The following DYDC2 variants were observed in gnomAD, a reference collection of about 807,000 sequenced individuals.
DYDC2 encodes the protein DPY30 domain containing 2.
DYDC2 carries 19 observed loss-of-function variants against 18.7 expected under a neutral mutation model. That is an observed-to-expected ratio of 1.02 (90% CI 0.71 to 1.49). The LOEUF (loss-of-function observed/expected upper bound fraction) is 1.49, where lower values mean the gene tolerates loss of function less well. DYDC2 is among the 40% of genes most tolerant of loss of function. The pLI is 0.00. For missense variants in DYDC2, 179 were observed against 205.1 expected, an observed-to-expected ratio of 0.87 and a Z score of 0.78; for synonymous variants, 63 against 67.6, an observed-to-expected ratio of 0.93 and a Z score of 0.34.
chr10:80,357,077 G>A (rs1171477140), intron 1 of DYDC2, among the ~76,000 whole-genome samples: 1 of 141,972 alleles, frequency 7.0e-6, no homozygotes, highest in African/African-American at 2.6e-5. Flanking sequence ...CGCGCCAGGG[G>A]AGGGGGCCAG....
intron 2 of DYDC2, among the ~76,000 whole-genome samples, chr10:80,360,201 AT>A (rs1014766807): frequency 6.6e-6 from 1 of 151,874 alleles, no homozygotes; most frequent in Non-Finnish European, 1.5e-5. Context: ...ACCCCACTCA[AT>A]TTTTTTTTAA....
chr10:80,353,451 C>T (rs887940684), upstream of DYDC2, among the ~76,000 whole-genome samples: 2 of 150,750 alleles, frequency 1.3e-5, no homozygotes, highest in African/African-American at 2.4e-5. Flanking sequence ...CGTGAGCCAC[C>T]GCGCCTGGCC....
chr10:80,352,636 C>A (rs369184584), upstream of DYDC2: 8 of 1,586,464 alleles, frequency 5.0e-6, no homozygotes, highest in African/African-American at 1.4e-5. Flanking sequence ...TTTTGCATTA[C>A]TGCAGGATAT....
At chr10:80,352,993 G>A (rs567196389), upstream of DYDC2, among the ~76,000 whole-genome samples, 5 of 152,174 alleles carry the variant, frequency 3.3e-5, no homozygotes, top group South Asian at 4.1e-4. Context: ...CACAGACAGC[G>A]TAAGTGCACA....
chr10:80,354,597 G>T (rs1466292744), upstream of DYDC2: 1 of 150,692 alleles, frequency 6.6e-6, no homozygotes, highest in Admixed American at 6.6e-5. Context: ...AAATCCATAT[G>T]TTGAAATCCT....
chr10:80,359,759 C>T (rs1431055939), intron 2 of DYDC2, among the ~76,000 whole-genome samples: 1 of 152,220 alleles, frequency 6.6e-6, no homozygotes, highest in East Asian at 1.9e-4. Context: ...TGCCTGGGGC[C>T]TGCAGTGCTG....
rs772967934 is a variant in DYDC2, at chr10:80,362,579, GC to G, written c.137del (p.Ala46GlufsTer25). Reference protein sequence around the residue: ...WLYHYRKTAKAKEENREKKIH... With the variant: ...WLYHYRKTAKXKEENREKKIH... ...TTATCATTACAGGAAAACAGCAAAA[GC>G]AAAAGAAGAGGTGTGTATGTGCACT... On this transcript the variant is annotated frameshift_variant, in exon 3 of 5. Coordinates refer to ENST00000256039, the MANE Select transcript of DYDC2 (RefSeq NM_032372.6). LOFTEE classifies it high-confidence loss of function. 6.2e-7 allele frequency: 1 copy of G among 1,610,850 alleles called. No individual in the cohort carries two copies. The highest frequency in any genetic ancestry group is 8.5e-7 in the Non-Finnish European group (1 of 1,177,628).
At chr10:80,355,397 T>C (rs151017764), upstream of DYDC2, among the ~76,000 whole-genome samples, 9 of 152,056 alleles carry the variant, frequency 5.9e-5, 1 homozygote, top group East Asian at 1.6e-3. Flanking sequence ...GAGGGCAAAA[T>C]GGTATAACTC....
At chr10:80,359,961 C>T (rs1365495515) in intron 2 of DYDC2, among the ~76,000 whole-genome samples, 1 of 152,240 alleles carries the variant, frequency 6.6e-6, no homozygotes, top group Non-Finnish European at 1.5e-5. Flanking sequence ...AAGGGCTCCT[C>T]AAGCATGGCC....
Position 80,366,881 on chromosome 10 carries a change from T to A in DYDC2, c.464T>A (p.Ile155Lys). 1 of 1,614,052 alleles carries A rather than the reference T, an allele frequency of 6.2e-7. No individual in the cohort carries two copies. The highest frequency in any genetic ancestry group is 2.2e-5 in the East Asian group (1 of 44,870). The change falls in exon 5 of 5, where the codon ATA becomes AAA. Residue 155 changes from isoleucine (I) to lysine (K), a missense_variant. By Grantham distance (102) the Ile-to-Lys change is moderately radical (BLOSUM62 -3). Coordinates refer to ENST00000256039, the MANE Select transcript of DYDC2 (RefSeq NM_032372.6). Reference protein sequence around the residue: ...IDQNFKMPQEINYKEAFQHEV... With the variant: ...IDQNFKMPQEKNYKEAFQHEV... ...CAGAACTTCAAAATGCCACAAGAAA[T>A]AAATTACAAGGAGGCTTTTCAGCAT...
chr10:80,359,477 C>G (rs1171281628), intron 2 of DYDC2, among the ~76,000 whole-genome samples: 1 of 152,222 alleles, frequency 6.6e-6, no homozygotes, highest in Non-Finnish European at 1.5e-5. Flanking sequence ...AGCTGCCTGC[C>G]AGTCCCACGT....
chr10:80,355,020 G>C (rs554503205), upstream of DYDC2, among the ~76,000 whole-genome samples: 2 of 151,526 alleles, frequency 1.3e-5, no homozygotes, highest in East Asian at 3.9e-4. Context: ...CCAGACAAGA[G>C]GAGTAGCTGA....
upstream of DYDC2, among the ~76,000 whole-genome samples, chr10:80,354,187 A>G (rs1843202067): frequency 6.6e-6 from 1 of 150,980 alleles, no homozygotes; most frequent in Admixed American, 6.6e-5. Flanking sequence ...ATTGTTAAAC[A>G]AATGTATAAT....
chr10:80,346,491 C>T (rs1842647360), intron 1 of DYDC2, among the ~76,000 whole-genome samples: 1 of 100,144 alleles, frequency 1.0e-5, no homozygotes, highest in Non-Finnish European at 1.7e-5. Flanking sequence ...GACGGAGTCT[C>T]ACTCTGTCAC....
chr10:80,354,531 C>CATGATAGG (rs1463144352), upstream of DYDC2: 2 of 151,478 alleles, frequency 1.3e-5, no homozygotes. Context: ...GGTCAGGCAC[C>CATGATAGG]ATGATAGGTA....
intron 4 of DYDC2, among the ~76,000 whole-genome samples, chr10:80,363,322 TTTAAAAAAAATCTG>T (rs1564674457): frequency 6.0e-5 from 9 of 150,766 alleles, no homozygotes; most frequent in Non-Finnish European, 1.2e-4. Context: ...TGTTACTGGT[TTTAAAAAAAATCTG>T]TTTTTTTTTT....
chr10:80,349,311 A>C (rs557754622), intron 1 of DYDC2, among the ~76,000 whole-genome samples: 29 of 152,356 alleles, frequency 1.9e-4, no homozygotes, highest in Middle Eastern at 3.4e-3. Context: ...CTATCTAATA[A>C]AAAATTTATA....
upstream of DYDC2, among the ~76,000 whole-genome samples, chr10:80,354,932 G>T (rs1278417863): frequency 6.6e-6 from 1 of 152,004 alleles, no homozygotes; most frequent in Admixed American, 6.6e-5. Context: ...CTGCCTTCAT[G>T]GAGCTTATAG....
At chr10:80,359,560 C>G (rs1256552606) in intron 2 of DYDC2, among the ~76,000 whole-genome samples, 1 of 152,188 alleles carries the variant, frequency 6.6e-6, no homozygotes, top group Non-Finnish European at 1.5e-5. Flanking sequence ...TGGCGCTCAT[C>G]AGGGAGGCTC....
Sources: allele counts gnomAD v4.1 joint callset (sites outside exome capture counted in the v4.1 genomes callset), GRCh38; gene constraint gnomAD v4.1.1; transcripts MANE v1.5; gene names NCBI Gene and HGNC (gene_info 2026-07-23, HGNC 2026-07-21).